The following DLG2 variants were observed in gnomAD, a reference collection of about 807,000 sequenced individuals.
DLG2 encodes discs large MAGUK scaffold protein 2, also known as disks large homolog 2.
In DLG2, 45 loss-of-function variants were observed where a neutral mutation model predicts 132.5. The observed-to-expected ratio is 0.34, with a 90% CI of 0.27 to 0.44. DLG2 has a LOEUF of 0.44. Among genes scored for constraint, DLG2 ranks in the 20% least tolerant of loss-of-function variants. The pLI is 1.00. For synonymous variants in DLG2, 424 were observed against 419.6 expected, an observed-to-expected ratio of 1.01 and a Z score of -0.13; for missense variants, 1,045 against 1,196.9, an observed-to-expected ratio of 0.87 and a Z score of 1.87.
intron 2 of DLG2, among the ~76,000 whole-genome samples, chr11:85,605,012 C>A (rs2080427709): frequency 6.6e-6 from 1 of 152,060 alleles, no homozygotes; most frequent in South Asian, 2.1e-4. Context: ...TAGGAAAACT[C>A]AGATCAAAGT....
intron 6 of DLG2, among the ~76,000 whole-genome samples, chr11:84,868,106 A>C (rs576879339): frequency 6.8e-6 from 1 of 148,062 alleles, no homozygotes; most frequent in South Asian, 2.1e-4. Context: ...ATAATATATT[A>C]TTATATATTA....
chr11:84,184,599 C>A, intron 8 of DLG2, among the ~76,000 whole-genome samples: 1 of 152,128 alleles, frequency 6.6e-6, no homozygotes, highest in East Asian at 1.9e-4. Flanking sequence ...TCAATTCTGG[C>A]TTTTGTTGCC....
At chr11:83,734,607 T>A (rs2091629568) in intron 18 of DLG2, among the ~76,000 whole-genome samples, 1 of 152,046 alleles carries the variant, frequency 6.6e-6, no homozygotes, top group Non-Finnish European at 1.5e-5. Flanking sequence ...CAGGCTACAA[T>A]GCCAGGCTAT....
At chr11:84,889,878 C>T (rs1488787836) in intron 6 of DLG2, among the ~76,000 whole-genome samples, 1 of 152,144 alleles carries the variant, frequency 6.6e-6, no homozygotes, top group Non-Finnish European at 1.5e-5. Context: ...TGCCAAGACA[C>T]ATGGCAGATG....
At chr11:84,516,340 T>A (rs549109456) in intron 7 of DLG2, among the ~76,000 whole-genome samples, 8 of 151,536 alleles carry the variant, frequency 5.3e-5, no homozygotes, top group Admixed American at 2.0e-4. Flanking sequence ...CTAGACTAAG[T>A]ATAATAAAAA....
At chr11:84,779,365 G>C (rs979695894) in intron 6 of DLG2, among the ~76,000 whole-genome samples, 1 of 151,870 alleles carries the variant, frequency 6.6e-6, no homozygotes, top group Non-Finnish European at 1.5e-5. Flanking sequence ...TTATCTGCTA[G>C]ATCTTTTGGT....
intron 6 of DLG2, among the ~76,000 whole-genome samples, chr11:84,821,402 C>T (rs1172585105): frequency 1.3e-5 from 2 of 151,606 alleles, no homozygotes; most frequent in Non-Finnish European, 3.0e-5. Context: ...GTAGAAGAAG[C>T]CATATATAAA....
chr11:85,066,158 C>G (rs191622076), intron 6 of DLG2, among the ~76,000 whole-genome samples: 25 of 151,720 alleles, frequency 1.6e-4, no homozygotes, highest in African/African-American at 5.3e-4. Flanking sequence ...TTATCAGAGA[C>G]TACTATGAGC....
intron 3 of DLG2, among the ~76,000 whole-genome samples, chr11:85,353,888 A>C (rs1385775643): frequency 6.6e-6 from 1 of 152,050 alleles, no homozygotes; most frequent in East Asian, 1.9e-4. Context: ...ACCTAACGTA[A>C]ATGATGAGTT....
rs146459489 is a variant in DLG2, at chr11:84,716,220, TG to T, written c.358-181490del. On this transcript the variant is annotated intron_variant, in intron 6 of 27. Coordinates refer to ENST00000376104, the MANE Select transcript of DLG2 (RefSeq NM_001142699.3). Reference sequence around the variant, plus strand: ...CATTTTAATGTCTCCTTTGAAGAAGTGTCTATCCAGGTCCCTTGTGCATTTT... The same window carrying T: ...CATTTTAATGTCTCCTTTGAAGAAGTTCTATCCAGGTCCCTTGTGCATTTT... Among the ~76,000 whole-genome samples, 695 of 152,234 alleles carry T rather than the reference TG, an allele frequency of 4.6e-3. 9 individuals are homozygous for T. Among genetic ancestry groups the T allele is most frequent in the African/African-American group, 0.016 (660 of 41,582 alleles).
At chr11:83,811,726 A>G (rs1218981131) in intron 17 of DLG2, among the ~76,000 whole-genome samples, 2 of 152,146 alleles carry the variant, frequency 1.3e-5, no homozygotes, top group African/African-American at 4.8e-5. Context: ...AGTCTTATGT[A>G]TTGTTGGCTA....
chr11:84,116,379 A>G (rs1229509823), intron 9 of DLG2, among the ~76,000 whole-genome samples: 1 of 152,232 alleles, frequency 6.6e-6, no homozygotes, highest in Non-Finnish European at 1.5e-5. Context: ...AGTGGCTAAT[A>G]AAGACATATC....
At chr11:83,898,522 C>T (rs61901786) in intron 15 of DLG2, among the ~76,000 whole-genome samples, 14,638 of 151,934 alleles carry the variant, frequency 0.096, 833 homozygotes, top group Middle Eastern at 0.18. Flanking sequence ...TTTCATTAGT[C>T]TATGCTAGTA....
At chr11:84,522,154 C>G (rs942677134) in intron 7 of DLG2, among the ~76,000 whole-genome samples, 1 of 147,760 alleles carries the variant, frequency 6.8e-6, no homozygotes, top group Non-Finnish European at 1.5e-5. Flanking sequence ...GGCGACAGAG[C>G]GAGACTCTGT....
intron 7 of DLG2, among the ~76,000 whole-genome samples, chr11:84,277,417 G>A (rs1319983548): frequency 6.6e-6 from 1 of 151,844 alleles, no homozygotes; most frequent in African/African-American, 2.4e-5. Flanking sequence ...ATCAATAACA[G>A]AACAATCTCT....
At chr11:85,601,811 C>T (rs911799076) in intron 2 of DLG2, among the ~76,000 whole-genome samples, 2 of 152,138 alleles carry the variant, frequency 1.3e-5, no homozygotes, top group Non-Finnish European at 2.9e-5. Flanking sequence ...TTTATTAGTT[C>T]CCTCTAATTT....
intron 7 of DLG2, 82 bp from the exon 8 acceptor site, chr11:84,251,373 G>A (rs1348264459): frequency 2.8e-6 from 3 of 1,071,496 alleles, no homozygotes; most frequent in Admixed American, 6.2e-5. Context: ...ATTTAACAAA[G>A]AGCTCAACAG....
chr11:84,031,547 AC>A (rs772707413), intron 11 of DLG2, among the ~76,000 whole-genome samples: 1 of 152,178 alleles, frequency 6.6e-6, no homozygotes, highest in Non-Finnish European at 1.5e-5. Flanking sequence ...TTCTGCTTTT[AC>A]CTTACTAAGT....
intron 15 of DLG2, among the ~76,000 whole-genome samples, chr11:83,881,918 A>T (rs2066369751): frequency 6.6e-6 from 1 of 152,212 alleles, no homozygotes. Flanking sequence ...TCTAAAAAAA[A>T]GTATGTATTA....
Sources: allele counts gnomAD v4.1 joint callset (sites outside exome capture counted in the v4.1 genomes callset), GRCh38; gene constraint gnomAD v4.1.1; transcripts MANE v1.5; gene names NCBI Gene and HGNC (gene_info 2026-07-23, HGNC 2026-07-21).